WDTC1: variants seen among roughly 807,000 people sequenced by gnomAD.
The protein encoded by WDTC1 is WD and tetratricopeptide repeats protein 1.
A neutral mutation model predicts 76.0 loss-of-function variants in WDTC1; 12 were observed. That is an observed-to-expected ratio of 0.16 (90% CI 0.10 to 0.26). The LOEUF is 0.26. Among genes scored for constraint, WDTC1 ranks in the 10% least tolerant of loss-of-function variants. The probability of loss-of-function intolerance (pLI) is 1.00; values close to 1 mark genes in which losing one functional copy is unlikely to be tolerated. For missense variants in WDTC1, 511 were observed against 908.8 expected (o/e 0.56, Z 5.63); for synonymous variants, 326 against 350.8 (o/e 0.93, Z 0.79).
chr1:27,268,180 C>G (rs537938748), intron 3 of WDTC1, among the ~76,000 whole-genome samples: 26 of 152,184 alleles, frequency 1.7e-4, no homozygotes, highest in Non-Finnish European at 3.8e-4. Context: ...GTGGCTCACC[C>G]CTGTAATCTC....
Position 27,279,872 on chromosome 1 carries a change from G to A in WDTC1, c.133-2367G>A, listed in dbSNP as rs1482763874. ...TGAGCCACCATGCCCAGCCTGTGCT[G>A]TAAGTCTTGAACTCTCTTGGTGCAA... is the stretch of plus-strand genomic sequence containing the variant. On this transcript the variant is annotated intron_variant, in intron 3 of 15. Coordinates refer to ENST00000319394, the MANE Select transcript of WDTC1 (RefSeq NM_001276252.2). 3.3e-5 allele frequency among the ~76,000 whole-genome samples: 5 copies of A among 152,314 alleles called. No individual in the cohort carries two copies. The East Asian group carries it at 7.7e-4, about 23-fold the overall frequency.
At chr1:27,282,911 G>A (rs925721842) in intron 4 of WDTC1, among the ~76,000 whole-genome samples, 4 of 151,814 alleles carry the variant, frequency 2.6e-5, no homozygotes, top group East Asian at 3.9e-4. Flanking sequence ...AGGCCGAGGC[G>A]GGTGGATCAC....
rs966742813 is a variant in WDTC1, at chr1:27,234,928, C to T, written c.-123C>T. ...TGGGCTCCTGAAGTTGCGCCGCTGCCGGTCGGGGGAAGAGACCTGACAGGT... is the reference window on the plus strand; with the variant it reads ...TGGGCTCCTGAAGTTGCGCCGCTGCTGGTCGGGGGAAGAGACCTGACAGGT... On this transcript the variant is annotated 5_prime_UTR_variant, in exon 1 of 16. Transcript: ENST00000319394. 3 of 394,168 alleles carry T rather than the reference C, an allele frequency of 7.6e-6. No homozygotes were observed. Among genetic ancestry groups the T allele is most frequent in the Non-Finnish European group, 9.0e-6 (2 of 223,200 alleles). The allele number at this position is 394,168 out of a possible 1,614,324, so 24.4% of individuals were successfully genotyped here. A position where few individuals can be genotyped will look rare whatever the true frequency, so the allele number is the denominator to read the frequency against.
intron 3 of WDTC1, among the ~76,000 whole-genome samples, chr1:27,266,723 T>C (rs992617592): frequency 5.3e-5 from 8 of 152,212 alleles, no homozygotes; most frequent in Non-Finnish European, 8.8e-5. Flanking sequence ...ATGGACCTCA[T>C]GTTAGTCAAT....
chr1:27,288,687 G>C (rs1570975943), intron 6 of WDTC1, among the ~76,000 whole-genome samples: 1 of 151,554 alleles, frequency 6.6e-6, no homozygotes, highest in Non-Finnish European at 1.5e-5. Flanking sequence ...AGATCAACAG[G>C]ATCCCAAGGC....
At chr1:27,273,849 A>G (rs185893890) in intron 3 of WDTC1, among the ~76,000 whole-genome samples, 1 of 151,716 alleles carries the variant, frequency 6.6e-6, no homozygotes, top group Admixed American at 6.6e-5. Context: ...GTGCGTGTGT[A>G]GAGAGAGAGA....
At chr1:27,294,341 T>C (rs1052641545) in intron 8 of WDTC1, among the ~76,000 whole-genome samples, 173 bp from the exon 9 acceptor site, 1 of 152,168 alleles carries the variant, frequency 6.6e-6, no homozygotes, top group Admixed American at 6.5e-5. Context: ...AATGACTAAA[T>C]GAGATAAAAT....
intron 3 of WDTC1, among the ~76,000 whole-genome samples, chr1:27,273,331 A>G (rs905895883): frequency 1.4e-5 from 2 of 145,878 alleles, no homozygotes; most frequent in African/African-American, 5.1e-5. Context: ...GCCTCAGCCT[A>G]CCAAGTAGCT....
intron 1 of WDTC1, among the ~76,000 whole-genome samples, chr1:27,253,569 A>T (rs1570944662): frequency 6.8e-6 from 1 of 146,072 alleles, no homozygotes; most frequent in Non-Finnish European, 1.5e-5. Context: ...CTGGTTTCGA[A>T]GTCCTGACCT....
At chr1:27,244,834 C>T (rs1212995141) in intron 1 of WDTC1, among the ~76,000 whole-genome samples, 1 of 152,146 alleles carries the variant, frequency 6.6e-6, no homozygotes, top group Admixed American at 6.6e-5. Context: ...GTTGGGGGCA[C>T]GTCTCTGCTA....
chr1:27,297,865 C>T, intron 11 of WDTC1, 73 bp from the exon 12 acceptor site: 2 of 1,468,810 alleles, frequency 1.4e-6, no homozygotes, highest in Non-Finnish European at 1.8e-6. Flanking sequence ...GCCCTCAGGC[C>T]ATGTTACAGA....
intron 1 of WDTC1, among the ~76,000 whole-genome samples, chr1:27,250,770 T>C (rs2012022315): frequency 6.6e-6 from 1 of 152,152 alleles, no homozygotes; most frequent in South Asian, 2.1e-4. Flanking sequence ...ATGTACTTTG[T>C]TCTAAGTCAT....
chr1:27,269,881 GT>G (rs1172483637), intron 3 of WDTC1, among the ~76,000 whole-genome samples: 14 of 151,478 alleles, frequency 9.2e-5, no homozygotes, highest in African/African-American at 2.4e-5. Context: ...AAGTGGTAGG[GT>G]TACAGGCATG....
At chr1:27,297,808 C>T in intron 11 of WDTC1, 130 bp from the exon 12 acceptor site, 4 of 941,282 alleles carry the variant, frequency 4.2e-6, no homozygotes, top group South Asian at 2.0e-5. Flanking sequence ...TAGTGGTCCC[C>T]TCTTCCAGAT....
At chr1:27,289,713 G>A (rs899620489) in intron 6 of WDTC1, among the ~76,000 whole-genome samples, 2 of 151,744 alleles carry the variant, frequency 1.3e-5, no homozygotes, top group Non-Finnish European at 1.5e-5. Flanking sequence ...CTGAGTGAAC[G>A]AGACTCCGTC....
At chr1:27,285,468 C>T (rs2013304662) in intron 5 of WDTC1, among the ~76,000 whole-genome samples, 1 of 152,146 alleles carries the variant, frequency 6.6e-6, no homozygotes, top group African/African-American at 2.4e-5. Context: ...AACACTACCA[C>T]TCAGCCTTGT....
intron 1 of WDTC1, 83 bp from the exon 2 acceptor site, chr1:27,260,873 G>C (rs949665414): frequency 3.5e-5 from 23 of 662,270 alleles, no homozygotes; most frequent in Non-Finnish European, 4.9e-5. Context: ...ACTTCACTGG[G>C]TGGGCTGTTT....
At chr1:27,271,648 T>A (rs953347689) in intron 3 of WDTC1, among the ~76,000 whole-genome samples, 4 of 151,718 alleles carry the variant, frequency 2.6e-5, no homozygotes, top group East Asian at 2.0e-4. Context: ...ATTTAATTTA[T>A]TTTATTTGAG....
intron 3 of WDTC1, among the ~76,000 whole-genome samples, chr1:27,272,453 A>G (rs1379808482): frequency 6.6e-6 from 1 of 152,198 alleles, no homozygotes; most frequent in African/African-American, 2.4e-5. Flanking sequence ...TGAACTTCAA[A>G]GAAATCTTGA....
Sources: gnomAD v4.1 joint callset for allele counts (sites outside exome capture counted in the v4.1 genomes callset) on GRCh38, gnomAD v4.1.1 for gene constraint, MANE v1.5 for transcripts, NCBI Gene and HGNC (gene_info 2026-07-23, HGNC 2026-07-21) for gene names.